HPR: variants seen among roughly 807,000 people sequenced by gnomAD.
HPR encodes the protein Haptoglobin-related locus.
Under a neutral mutation model 18.5 loss-of-function variants are expected in HPR, and 17 were observed. The observed-to-expected ratio is 0.92, with a 90% CI of 0.63 to 1.38. The LOEUF (loss-of-function observed/expected upper bound fraction) is 1.38. Among genes scored for constraint, HPR ranks in the 40% most tolerant of loss-of-function variants. The pLI, the probability that HPR is intolerant of heterozygous loss-of-function variation, is 0.00. For synonymous variants in HPR, 176 were observed against 165.0 expected, an observed-to-expected ratio of 1.07 and a Z score of -0.51; for missense variants, 457 against 432.4, an observed-to-expected ratio of 1.06 and a Z score of -0.51.
chr16:72,072,453 A>G (rs780401387), intron 1 of HPR, among the ~76,000 whole-genome samples: 2 of 152,210 alleles, frequency 1.3e-5, no homozygotes, highest in Non-Finnish European at 2.9e-5. Context: ...TCGGAACCCG[A>G]TGCTATACTT....
chr16:72,071,130 C>G (rs2041650998), intron 1 of HPR, among the ~76,000 whole-genome samples: 3 of 152,118 alleles, frequency 2.0e-5, no homozygotes, highest in Non-Finnish European at 2.9e-5. Flanking sequence ...AATCCACACC[C>G]AGAGTCTGGG....
At chr16:72,068,779 G>A (rs1165298708) in intron 1 of HPR, among the ~76,000 whole-genome samples, 1 of 152,230 alleles carries the variant, frequency 6.6e-6, no homozygotes, top group East Asian at 1.9e-4. Flanking sequence ...GAGATTAACA[G>A]TAAGCACACC....
At chr16:72,072,833 A>G (rs181930944) in intron 1 of HPR, among the ~76,000 whole-genome samples, 1 of 152,316 alleles carries the variant, frequency 6.6e-6, no homozygotes, top group African/African-American at 2.4e-5. Flanking sequence ...TTTAAAGAAA[A>G]AATACTGTAA....
chr16:72,073,144 G>A (rs755413309), intron 1 of HPR, among the ~76,000 whole-genome samples: 1 of 152,142 alleles, frequency 6.6e-6, no homozygotes, highest in Non-Finnish European at 1.5e-5. Flanking sequence ...AGCCAACCGG[G>A]TTCAGCTTAG....
rs376496954 is a variant in HPR at position 72,076,919 on chromosome 16, C to T, written c.885C>T (p.Gly295=). 1.5e-5 allele frequency: 25 copies of T among 1,614,124 alleles called. No individual in the cohort carries two copies. Among genetic ancestry groups the T allele is most frequent in the South Asian group, 9.9e-5 (9 of 91,090 alleles). The change falls in exon 5 of 5, where the codon GGC becomes GGT. Residue 295 remains glycine, a synonymous_variant. Transcript: ENST00000540303. Reference sequence around the variant, plus strand: ...AGTACCAGGAAGACACCTGCTATGGCGATGCGGGCAGTGCCTTTGCCGTTC... The same window carrying T: ...AGTACCAGGAAGACACCTGCTATGGTGATGCGGGCAGTGCCTTTGCCGTTC... ...MSKYQEDTCY[G]DAGSAFAVHD... is the part of the protein sequence containing the mutation.
Position 72,076,869 on chromosome 16 carries a change from C to A in HPR, c.835C>A (p.His279Asn), listed in dbSNP as rs750168071. 37 of 1,614,118 alleles carry A rather than the reference C, an allele frequency of 2.3e-5. No homozygotes were observed. The South Asian group carries it at 4.1e-4, about 18-fold the overall frequency. The part of the protein sequence containing the change: ...PVGVQPILNE[H>N]TFCVGMSKYQ... ...AGGGGTGCAGCCCATACTGAACGAA[C>A]ACACCTTCTGTGTCGGCATGTCTAA... Residue 279 changes from histidine (H) to asparagine (N), a missense_variant, in exon 5 of 5, where the codon CAC becomes AAC. Physicochemically the swap from His to Asn is moderately conservative, Grantham distance 68. Coordinates refer to ENST00000540303, the MANE Select transcript of HPR (RefSeq NM_020995.4).
chr16:72,066,042 C>A (rs1178804334), intron 1 of HPR, among the ~76,000 whole-genome samples: 1 of 152,180 alleles, frequency 6.6e-6, no homozygotes, highest in Non-Finnish European at 1.5e-5. Context: ...ACCTAAATAT[C>A]CTTCCTTAAA....
At chr16:72,070,013 C>T (rs1411625361) in intron 1 of HPR, among the ~76,000 whole-genome samples, 2 of 152,114 alleles carry the variant, frequency 1.3e-5, no homozygotes, top group African/African-American at 4.8e-5. Context: ...AAAAGTTAGC[C>T]CAGGTACTAG....
Position 72,076,736 on chromosome 16 carries a change from T to C in HPR, c.702T>C (p.Leu234=), listed in dbSNP as rs1372439523. The change falls in exon 5 of 5, where the codon CTT becomes CTC. Residue 234 remains leucine, a synonymous_variant. Transcript: ENST00000540303. ...GGGGACAAAGTGACAACTTTAAACT[T>C]ACTGACCATCTGAAGTATGTCATGC... ...SGWGQSDNFK[L]TDHLKYVMLP... The C allele has an allele frequency of 6.2e-7, 1 of 1,614,092 alleles. No individual in the cohort carries two copies. Among genetic ancestry groups the C allele is most frequent in the African/African-American group, 1.3e-5 (1 of 74,944 alleles).
intron 1 of HPR, among the ~76,000 whole-genome samples, chr16:72,064,497 C>T (rs1402925670): frequency 2.6e-5 from 4 of 152,142 alleles, no homozygotes; most frequent in Non-Finnish European, 5.9e-5. Flanking sequence ...ACTGATCTTC[C>T]CGCCTTCCCA....
intron 1 of HPR, among the ~76,000 whole-genome samples, chr16:72,071,544 C>T (rs1397800295): frequency 6.6e-6 from 1 of 152,162 alleles, no homozygotes; most frequent in Non-Finnish European, 1.5e-5. Context: ...CATCAGCTTC[C>T]GTTTCCCAAT....
chr16:72,072,051 C>T (rs935342605), intron 1 of HPR, among the ~76,000 whole-genome samples: 20 of 152,048 alleles, frequency 1.3e-4, no homozygotes, highest in Non-Finnish European at 2.8e-4. Context: ...TCTTGTTGCC[C>T]AGGCTGGAAT....
Position 72,076,443 on chromosome 16 carries a change from C to A in HPR, c.409C>A (p.Gln137Lys). 1.2e-6 allele frequency: 2 copies of A among 1,614,180 alleles called. No individual in the cohort carries two copies. The highest frequency in any genetic ancestry group is 1.7e-6 in the Non-Finnish European group (2 of 1,180,024). The change falls in exon 5 of 5, where the codon CAA becomes AAA. Residue 137 changes from glutamine to lysine, a missense_variant. Physicochemically the swap from Gln to Lys is moderately conservative, Grantham distance 53. Coordinates refer to ENST00000540303, the MANE Select transcript of HPR (RefSeq NM_020995.4). ...CACAGGGGCCACGCTGATCAATGAA[C>A]AATGGCTGCTGACCACGGCTAAAAA... Reference protein sequence around the residue: ...LTTGATLINEQWLLTTAKNLF... With the variant: ...LTTGATLINEKWLLTTAKNLF...
Position 72,077,124 on chromosome 16 carries a change from G to A in HPR, c.*43G>A. ...GCCCTTGCCTGAAAGCAAGATTTCA[G>A]CCTGGAAGAGGGCAAAGTGGACGGG... On this transcript the variant is annotated 3_prime_UTR_variant, in exon 5 of 5. Coordinates refer to ENST00000540303, the MANE Select transcript of HPR (RefSeq NM_020995.4). 1 of 1,573,218 alleles carries A rather than the reference G, an allele frequency of 6.4e-7. No homozygotes were observed.
intron 1 of HPR, among the ~76,000 whole-genome samples, chr16:72,070,480 A>C (rs1034974224): frequency 2.6e-5 from 4 of 152,180 alleles, no homozygotes; most frequent in African/African-American, 9.6e-5. Flanking sequence ...CTAAATACTA[A>C]GACTGCAGTC....
intron 1 of HPR, among the ~76,000 whole-genome samples, chr16:72,072,018 T>A (rs1159359320): frequency 3.3e-5 from 5 of 152,188 alleles, no homozygotes; most frequent in Non-Finnish European, 7.3e-5. Flanking sequence ...ATGATGATTT[T>A]TTTTTTTTTG....
chr16:72,071,843 G>C (rs2041659216), intron 1 of HPR, among the ~76,000 whole-genome samples: 1 of 152,148 alleles, frequency 6.6e-6, no homozygotes, highest in Non-Finnish European at 1.5e-5. Context: ...CCCCTCATGG[G>C]TCTGTTGACT....
Position 72,065,988 on chromosome 16 carries a change from C to G in HPR, c.5+2728C>G, listed in dbSNP as rs145521657. 2.9e-3 allele frequency among the ~76,000 whole-genome samples: 435 copies of G among 152,226 alleles called. 3 individuals are homozygous for G. The highest frequency in any genetic ancestry group is 0.01 in the Middle Eastern group (3 of 294). Reference sequence around the variant, plus strand: ...TCATGATGTTCCTCCCGCTTACAACCCTGACTCTCAGGGGCAGTCGTCCCA... The same window carrying G: ...TCATGATGTTCCTCCCGCTTACAACGCTGACTCTCAGGGGCAGTCGTCCCA... On this transcript the variant is annotated intron_variant, in intron 1 of 4. Transcript: ENST00000540303.
At chr16:72,063,871 T>C (rs1460329813) in intron 1 of HPR, among the ~76,000 whole-genome samples, 1 of 152,090 alleles carries the variant, frequency 6.6e-6, no homozygotes, top group East Asian at 1.9e-4. Flanking sequence ...GCCTCCCAAG[T>C]AGCTAGGACT....
Sources: allele counts gnomAD v4.1 joint callset (sites outside exome capture counted in the v4.1 genomes callset), GRCh38; gene constraint gnomAD v4.1.1; transcripts MANE v1.5; gene names NCBI Gene and HGNC (gene_info 2026-07-23, HGNC 2026-07-21).